The following GCN1 variants were observed in gnomAD, a reference collection of about 807,000 sequenced individuals.
The protein encoded by GCN1 is stalled ribosome sensor GCN1.
GCN1 carries 90 observed loss-of-function variants against 288.4 expected under a neutral mutation model. The ratio of observed to expected loss-of-function variants is 0.31; its 90% CI spans 0.26 to 0.37. GCN1 has a LOEUF of 0.37. Ranked by LOEUF, GCN1 falls within the 10% of genes least tolerant of loss-of-function variation. GCN1 has a pLI of 1.00. For missense variants in GCN1, 2,586 were observed against 3,419.9 expected (o/e 0.76, Z 6.08); for synonymous variants, 1,386 against 1,420.2 (o/e 0.98, Z 0.54).
intron 34 of GCN1, among the ~76,000 whole-genome samples, 183 bp from the exon 35 acceptor site, chr12:120,150,226 A>T (rs1219579778): frequency 6.6e-6 from 1 of 152,174 alleles, no homozygotes; most frequent in Non-Finnish European, 1.5e-5. Context: ...AAGAAGCCCC[A>T]GCAAAGGAAT....
At chr12:120,147,815 C>T (rs922679658) in intron 37 of GCN1, among the ~76,000 whole-genome samples, 4 of 152,182 alleles carry the variant, frequency 2.6e-5, no homozygotes, top group African/African-American at 9.7e-5. Flanking sequence ...GAAAGAACCA[C>T]ATCCAGAGTA....
chr12:120,183,626 C>A lies in GCN1; in HGVS notation c.369G>T (p.Leu123=), dbSNP rs369313429. The A allele has an allele frequency of 6.2e-7, 1 of 1,613,974 alleles. No homozygotes were observed. Among genetic ancestry groups the A allele is most frequent in the Non-Finnish European group, 8.5e-7 (1 of 1,179,840 alleles). ...CTCTCGATGGAAAGACAATGCGCAC[C>A]AGGAGGCAGGTCCAGGTCAAGGCCA... ...ALLALTWTCL[L]VRIVFPSRAK... The change falls in exon 5 of 58, where the codon CTG becomes CTT. Residue 123 remains leucine, a synonymous_variant. Transcript: ENST00000300648.
rs751153232 is a variant in GCN1 at position 120,130,704 on chromosome 12, T to C, written c.7613A>G (p.His2538Arg). The C allele has an allele frequency of 4.3e-6, 7 of 1,613,928 alleles. No homozygotes were observed. Among genetic ancestry groups the C allele is most frequent in the African/African-American group, 2.7e-5 (2 of 74,888 alleles). Residue 2538 changes from histidine (H) to arginine (R), a missense_variant, in exon 56 of 58, where the codon CAC (histidine) becomes CGC (arginine). This residue lies in a region of GCN1 where 355 missense variants were observed against 431.1 expected (regional missense o/e 0.82). Transcript: ENST00000300648. ...CTGCCCTCCGCCTGTCTCGATGTGGTGTCTCATGAGAAAGCCCATGCCCCG... is the reference window on the plus strand; with the variant it reads ...CTGCCCTCCGCCTGTCTCGATGTGGCGTCTCATGAGAAAGCCCATGCCCCG... ...GVRGMGFLMRHHIETGGGQLP... is the reference protein window; with the variant it reads ...GVRGMGFLMRRHIETGGGQLP...
chr12:120,164,840 A>C, intron 16 of GCN1, 119 bp from the exon 17 acceptor site: 2 of 617,056 alleles, frequency 3.2e-6, no homozygotes, highest in East Asian at 2.9e-5. Context: ...AAATGTGATT[A>C]TCACTCGAAG....
chr12:120,169,513 T>C (rs192139459), intron 15 of GCN1, among the ~76,000 whole-genome samples: 1 of 152,158 alleles, frequency 6.6e-6, no homozygotes, highest in African/African-American at 2.4e-5. Flanking sequence ...AATACTGTTT[T>C]TTCTTTCTTA....
At position 120,159,955 on chromosome 12, in the gene GCN1, C is replaced by T. The variant is rs1877873090; in HGVS notation, c.2619G>A (p.Leu873=). Residue 873 remains leucine (L), a synonymous_variant, in exon 24 of 58, where the codon CTG becomes CTA. Coordinates refer to ENST00000300648, the MANE Select transcript of GCN1 (RefSeq NM_006836.2). The part of the protein sequence containing the change: ...DIILAKNPSG[L]TQYIPVLVDS... ...CGACCAAAACAGGGATGTACTGGGT[C>T]AGGCCGGACGGGTTCTTGGCCAGGA... The T allele has an allele frequency of 6.2e-7, 1 of 1,614,066 alleles. No individual in the cohort carries two copies. The highest frequency in any genetic ancestry group is 1.7e-5 in the Admixed American group (1 of 60,006).
intron 22 of GCN1, among the ~76,000 whole-genome samples, chr12:120,161,247 G>A (rs1038805695): frequency 8.9e-4 from 136 of 152,304 alleles, no homozygotes; most frequent in Non-Finnish European, 1.0e-3. Context: ...GAGGAGACAC[G>A]TGCACTGTCG....
In GCN1 at chr12:120,184,300, C is replaced by CA; in HGVS notation, c.186-58dup. On this transcript the variant is annotated intron_variant, in intron 3 of 57. Coordinates refer to ENST00000300648, the MANE Select transcript of GCN1 (RefSeq NM_006836.2). The stretch of plus-strand genomic sequence containing the variant: ...TGCAGACCTCAGGCAGAGGCAGGGG[C>CA]AAGGCTGCTCAGGCCATACACTGGT... 1.3e-6 allele frequency: 2 copies of CA among 1,520,018 alleles called. 1 individual carries two copies. Among genetic ancestry groups the CA allele is most frequent in the Middle Eastern group, 3.9e-4 (2 of 5,130 alleles). The allele number at this position is 1,520,018 out of a possible 1,614,324, so 94.2% of individuals were successfully genotyped here.
intron 42 of GCN1, 82 bp from the exon 43 acceptor site, chr12:120,143,023 G>A: frequency 1.3e-6 from 1 of 785,204 alleles, no homozygotes; most frequent in Middle Eastern, 2.9e-4. Flanking sequence ...AAGATGGAAA[G>A]AAGTGCACCC....
rs1390572290 is a variant in GCN1 at position 120,153,279 on chromosome 12, C to T, written c.3996G>A (p.Lys1332=). 6.2e-7 allele frequency: 1 copy of T among 1,614,232 alleles called. No individual in the cohort carries two copies. Among genetic ancestry groups the T allele is most frequent in the Admixed American group, 1.7e-5 (1 of 60,026 alleles). Residue 1332 remains lysine, a synonymous_variant, in exon 33 of 58, where the codon AAG becomes AAA. Coordinates refer to ENST00000300648, the MANE Select transcript of GCN1 (RefSeq NM_006836.2). The surrounding 1 kb of genome is among the most constrained non-coding windows in gnomAD (Gnocchi z 4.4). ...LMGSLAKHLD[K]SDPKVKPIVA... is the part of the protein sequence containing the mutation. ...CAATGGGCTTCACTTTGGGGTCACT[C>T]TTGTCCAGGTGCTTGGCCAGAGAGC...
chr12:120,129,110 C>T (rs1042433449), intron 57 of GCN1, among the ~76,000 whole-genome samples, 166 bp downstream of exon 57: 3 of 151,978 alleles, frequency 2.0e-5, no homozygotes, highest in African/African-American at 4.8e-5. Context: ...ATTACAGGCG[C>T]GAGCCACCGC....
rs539794289 is a variant in GCN1, at chr12:120,179,324, G to A, written c.427-374C>T. Among the ~76,000 whole-genome samples the A allele has an allele frequency of 1.2e-3, 176 of 151,794 alleles. 1 individual carries two copies. Among genetic ancestry groups the A allele is most frequent in the African/African-American group, 4.1e-3 (170 of 41,364 alleles). The stretch of plus-strand genomic sequence containing the variant: ...CGGCTCACTGCAACCTCCACCTCCC[G>A]GGTTCAAGTGATTCTCCCGCCTCAG... On this transcript the variant is annotated intron_variant, in intron 5 of 57. Coordinates refer to ENST00000300648, the MANE Select transcript of GCN1 (RefSeq NM_006836.2).
Position 120,164,671 on chromosome 12 carries a change from G to A in GCN1, c.1663C>T (p.His555Tyr). 6.2e-7 allele frequency: 1 copy of A among 1,613,810 alleles called. No homozygotes were observed. Among genetic ancestry groups the A allele is most frequent in the Non-Finnish European group, 8.5e-7 (1 of 1,179,682 alleles). The change falls in exon 17 of 58, where the codon CAT becomes TAT. Residue 555 changes from histidine to tyrosine, a missense_variant. Coordinates refer to ENST00000300648, the MANE Select transcript of GCN1 (RefSeq NM_006836.2). The stretch of plus-strand genomic sequence containing the variant: ...TGAACTTTGTTGCCAGTGAGTCTAT[G>A]CGGGTGGTCAAGGAAAAGTCTCTCT... The part of the protein sequence containing the change: ...LTERLFLDHP[H>Y]RLTGNKVQQY...
At chr12:120,138,093 C>T (rs781350860) in intron 47 of GCN1, 49 bp from the exon 48 acceptor site, 5 of 1,540,124 alleles carry the variant, frequency 3.2e-6, no homozygotes, top group Non-Finnish European at 4.4e-6. Context: ...CCAGGTGCTG[C>T]GCTAGGCTCT....
chr12:120,131,389 C>T lies in GCN1; in HGVS notation c.7415-56G>A, dbSNP rs553737698. On this transcript the variant is annotated intron_variant, in intron 54 of 57. Coordinates refer to ENST00000300648, the MANE Select transcript of GCN1 (RefSeq NM_006836.2). The stretch of plus-strand genomic sequence containing the variant: ...GGTATTTTACAGCATGTCCCCAGCA[C>T]CCATGAGGCCCATGGGCCCACCCCG... 6.5e-5 allele frequency: 101 copies of T among 1,553,704 alleles called. No homozygotes were observed. In the African/African-American group the frequency reaches 1.2e-3, roughly 18 times the overall value.
chr12:120,134,299 G>A lies in GCN1; in HGVS notation c.7309C>T (p.His2437Tyr). ...CCTGCCTGCAGCCGTACCTCATCGT[G>A]TCCCAGCATGCTCAGCAGGAGTGAG... ...IVSLLLSMLGHDEDNTRISSA... is the reference protein window; with the variant it reads ...IVSLLLSMLGYDEDNTRISSA... The change falls in exon 53 of 58, where the codon CAC (histidine) becomes TAC (tyrosine). Residue 2437 changes from histidine to tyrosine, a missense_variant. By Grantham distance (83) the His-to-Tyr change is moderately conservative (BLOSUM62 2). This residue lies in a region of GCN1 where 355 missense variants were observed against 431.1 expected (regional missense o/e 0.82). Transcript: ENST00000300648. This position sits in a 1 kb window ranked among gnomAD's most constrained non-coding sequence, Gnocchi z 5.0. 6.2e-7 allele frequency: 1 copy of A among 1,611,668 alleles called. No homozygotes were observed. Among genetic ancestry groups the A allele is most frequent in the Non-Finnish European group, 8.5e-7 (1 of 1,177,920 alleles).
intron 33 of GCN1, among the ~76,000 whole-genome samples, chr12:120,151,720 T>A (rs1877560463): frequency 6.6e-6 from 1 of 152,162 alleles, no homozygotes. Context: ...AAAGAAAGCT[T>A]CCAGAGAAGT....
intron 35 of GCN1, 77 bp downstream of exon 35, chr12:120,149,845 C>CCAA: frequency 6.3e-7 from 1 of 1,579,304 alleles, no homozygotes; most frequent in Non-Finnish European, 8.7e-7. Flanking sequence ...AGACCCTGTG[C>CCAA]CAAGGCCTGC....
At chr12:120,178,322 TG>T (rs1878542327) in intron 7 of GCN1, among the ~76,000 whole-genome samples, 1 of 152,208 alleles carries the variant, frequency 6.6e-6, no homozygotes, top group Admixed American at 6.5e-5. Context: ...CCTTACTCGC[TG>T]GTGTACCCCC....
Sources: allele counts gnomAD v4.1 joint callset (sites outside exome capture counted in the v4.1 genomes callset), GRCh38; gene constraint gnomAD v4.1.1; regional missense constraint gnomAD v4.1.1; non-coding constraint Gnocchi (gnomAD v3.1); transcripts MANE v1.5; gene names NCBI Gene and HGNC (gene_info 2026-07-23, HGNC 2026-07-21).